The following NUP210L variants were observed in gnomAD, a reference collection of about 807,000 sequenced individuals.
NUP210L encodes nucleoporin 210 like.
NUP210L carries 74 observed loss-of-function variants against 208.5 expected under a neutral mutation model. The observed-to-expected ratio is 0.35, with a 90% confidence interval of 0.29 to 0.43. The LOEUF is 0.43. Ranked by LOEUF, NUP210L falls within the 20% of genes least tolerant of loss-of-function variation. The probability of loss-of-function intolerance (pLI) is 1.00; values close to 1 mark genes in which losing one functional copy is unlikely to be tolerated. For missense variants in NUP210L, 1,843 were observed against 2,289.4 expected, an observed-to-expected ratio of 0.81 and a Z score of 3.98; for synonymous variants, 780 against 816.9, an observed-to-expected ratio of 0.95 and a Z score of 0.77.
At chr1:154,001,942 C>T in exon 36 of NUP210L, 2 of 1,613,946 alleles carry the variant, frequency 1.2e-6, no homozygotes, top group Non-Finnish European at 1.7e-6. Context: ...CCTGTAGCAG[C>T]TCCTCTGACT....
intron 7 of NUP210L, among the ~76,000 whole-genome samples, chr1:154,134,306 CA>C (rs919805571): frequency 6.0e-5 from 9 of 150,606 alleles, no homozygotes; most frequent in Admixed American, 1.3e-4. Context: ...TTAAAATATT[CA>C]AAAAAAATAC....
chr1:154,052,391 C>T (rs1365320451), intron 25 of NUP210L, among the ~76,000 whole-genome samples: 1 of 152,090 alleles, frequency 6.6e-6, no homozygotes, highest in Admixed American at 6.6e-5. Context: ...AGGAGGACCC[C>T]AACTGTCATG....
chr1:153,995,277 ACT>A (rs1649773311), intron 37 of NUP210L, 97 bp from the exon 38 acceptor site: 2 of 826,012 alleles, frequency 2.4e-6, no homozygotes, highest in Non-Finnish European at 2.0e-6. Flanking sequence ...ACAGAGTTTT[ACT>A]CTCACTCTGT....
chr1:154,089,755 AT>A (rs1160884153), intron 15 of NUP210L, among the ~76,000 whole-genome samples, 161 bp from the exon 16 acceptor site: 4 of 152,144 alleles, frequency 2.6e-5, no homozygotes, highest in African/African-American at 9.7e-5. Flanking sequence ...TTAATTATCT[AT>A]GCTAAAGGGC....
intron 2 of NUP210L, among the ~76,000 whole-genome samples, chr1:154,149,087 CTT>C (rs770217261): frequency 2.6e-4 from 31 of 119,330 alleles, no homozygotes; most frequent in African/African-American, 9.6e-4. Context: ...GAAAACTTCT[CTT>C]TTTTTTTTTT....
chr1:154,049,591 T>C (rs916369570), intron 25 of NUP210L, among the ~76,000 whole-genome samples: 1 of 152,198 alleles, frequency 6.6e-6, no homozygotes. Flanking sequence ...ACTTAGTTAC[T>C]GAACAATTAG....
At chr1:154,119,000 A>G (rs1328000563) in intron 10 of NUP210L, among the ~76,000 whole-genome samples, 192 bp from the exon 11 acceptor site, 1 of 152,162 alleles carries the variant, frequency 6.6e-6, no homozygotes, top group Non-Finnish European at 1.5e-5. Flanking sequence ...AATAATGAAA[A>G]TGAAATAATA....
chr1:154,080,975 G>C (rs1226369412), intron 16 of NUP210L, among the ~76,000 whole-genome samples: 1 of 81,758 alleles, frequency 1.2e-5, no homozygotes, highest in Non-Finnish European at 2.4e-5. Context: ...CTGTGCTTCC[G>C]AAAAAAAAAA....
chr1:154,111,055 A>G lies in NUP210L; in HGVS notation c.1620+6670T>C, dbSNP rs542049291. ...TCGACAAACCTTTAGCCAGACTAAA[A>G]AAAAAAAAAAGAGAGAGAGAGAGAT... On this transcript the variant is annotated intron_variant, in intron 12 of 39. Transcript: ENST00000368559. Among the ~76,000 whole-genome samples the G allele has an allele frequency of 1.6e-4, 24 of 151,324 alleles. 1 individual carries two copies. Among genetic ancestry groups the G allele is most frequent in the African/African-American group, 5.9e-4 (24 of 40,892 alleles).
rs1038167601 is a variant in NUP210L at position 154,111,229 on chromosome 1, G to A, written c.1620+6496C>T. Among the ~76,000 whole-genome samples the A allele has an allele frequency of 7.3e-5, 11 of 150,676 alleles. 1 individual carries two copies. The highest frequency in any genetic ancestry group is 2.7e-4 in the African/African-American group (11 of 40,464). ...GAAACCCTATCTGTACTAAAAATACGAAAATTAGCCAGGCGTGGTAGCAGG... is the reference window on the plus strand; with the variant it reads ...GAAACCCTATCTGTACTAAAAATACAAAAATTAGCCAGGCGTGGTAGCAGG... On this transcript the variant is annotated intron_variant, in intron 12 of 39. Transcript: ENST00000368559.
At chr1:153,995,728 C>T in intron 37 of NUP210L, 1 of 857,106 alleles carries the variant, frequency 1.2e-6, no homozygotes, top group Middle Eastern at 3.2e-4. Flanking sequence ...AATTGTTTAC[C>T]TTTATACCAA....
rs76369289 is a variant in NUP210L at position 154,039,235 on chromosome 1, CT to C, written c.3696+6833del. Among the ~76,000 whole-genome samples the C allele has an allele frequency of 5.7e-3, 772 of 135,082 alleles. 1 individual carries two copies. Among genetic ancestry groups the C allele is most frequent in the Middle Eastern group, 0.019 (5 of 260 alleles). 88.6% of individuals were successfully genotyped at this position (135,082 alleles called of 152,430 possible). ...CCTCAGCTTTTGTTTTTCTGGGAAA[CT>C]TTTTTTTTTTTTTTTTAGATGGAGT... On this transcript the variant is annotated intron_variant, in intron 27 of 39. Coordinates refer to ENST00000368559, the Ensembl canonical transcript of NUP210L.
chr1:154,113,163 A>C (rs1657128366), intron 12 of NUP210L, among the ~76,000 whole-genome samples: 1 of 102,658 alleles, frequency 9.7e-6, no homozygotes, highest in Non-Finnish European at 1.9e-5. Context: ...CTCTTAAAAA[A>C]AAAAATATAT....
rs200285946 is a variant in NUP210L, at chr1:154,126,309, T to C, written c.1326+14A>G. 1.4e-4 allele frequency: 229 copies of C among 1,604,774 alleles called. No homozygotes were observed. The highest frequency in any genetic ancestry group is 1.9e-4 in the Non-Finnish European group (218 of 1,176,578). On this transcript the variant is annotated intron_variant, in intron 10 of 39. Transcript: ENST00000368559. The stretch of plus-strand genomic sequence containing the variant: ...GTGTTCTTAGAATACAAACACTGTC[T>C]GTTTAATTCCTACCTGGTAAATGAT...
intron 31 of NUP210L, among the ~76,000 whole-genome samples, chr1:154,022,896 C>T (rs943784076): frequency 2.6e-5 from 4 of 151,682 alleles, no homozygotes; most frequent in Admixed American, 6.6e-5. Flanking sequence ...AGGCTGGTCT[C>T]GAACTCCTGG....
chr1:154,089,704 C>T (rs1655806949), intron 15 of NUP210L, 110 bp from the exon 16 acceptor site: 2 of 849,522 alleles, frequency 2.4e-6, no homozygotes, highest in Non-Finnish European at 3.8e-6. Flanking sequence ...GAGTCCCTTT[C>T]ACATTATAAT....
At chr1:154,130,456 A>T (rs941788902) in intron 7 of NUP210L, among the ~76,000 whole-genome samples, 1 of 151,830 alleles carries the variant, frequency 6.6e-6, no homozygotes, top group Non-Finnish European at 1.5e-5. Flanking sequence ...TATTTTTAGT[A>T]GAGACAGGGT....
At position 154,060,656 on chromosome 1, in the gene NUP210L, GACAA is replaced by G. The variant is rs1654085574; in HGVS notation, c.2749-19_2749-16del. 6.5e-7 allele frequency: 1 copy of G among 1,539,552 alleles called. No individual in the cohort carries two copies. Among genetic ancestry groups the G allele is most frequent in the Non-Finnish European group, 9.0e-7 (1 of 1,113,730 alleles). On this transcript the variant is annotated splice_polypyrimidine_tract_variant and intron_variant, in intron 19 of 39. Transcript: ENST00000368559. ...CTAAATGTTTCCTATGGAAAAATCA[GACAA>G]ACAATATTCTGTTTGCTTCAGTTTA...
chr1:153,996,612 A>G (rs1389750443), intron 37 of NUP210L, among the ~76,000 whole-genome samples: 2 of 151,946 alleles, frequency 1.3e-5, no homozygotes, highest in East Asian at 3.9e-4. Context: ...AGTAGGGATG[A>G]GTGTCACCAT....
Sources: gnomAD v4.1 joint callset for allele counts (sites outside exome capture counted in the v4.1 genomes callset) on GRCh38, gnomAD v4.1.1 for gene constraint, MANE v1.5 for transcripts, NCBI Gene and HGNC (gene_info 2026-07-23, HGNC 2026-07-21) for gene names.